Variants in WDR48 observed in about 807,000 individuals in gnomAD.
The protein encoded by WDR48 is WD repeat domain 48.
Under a neutral mutation model 94.0 loss-of-function variants are expected in WDR48, and 22 were observed. That is an observed-to-expected ratio of 0.23 (90% CI 0.17 to 0.33). WDR48 has a LOEUF of 0.33. WDR48 is among the 10% of genes least tolerant of loss of function. WDR48 has a pLI of 1.00. For missense variants in WDR48, 541 were observed against 813.8 expected (o/e 0.66, Z 4.08); for synonymous variants, 278 against 280.5 (o/e 0.99, Z 0.09).
At position 39,074,571 on chromosome 3, in the gene WDR48, C is replaced by T. The variant is rs78011480; in HGVS notation, c.673-155C>T. The stretch of plus-strand genomic sequence containing the variant: ...ATTACATAAATTTGGTCACTTTAGC[C>T]TGTGGTGCATGGTTGTCAAGCCTTT... On this transcript the variant is annotated intron_variant, in intron 7 of 18. Transcript: ENST00000302313. Among the ~76,000 whole-genome samples, 752 of 152,278 alleles carry T rather than the reference C, an allele frequency of 4.9e-3. 6 individuals carry two copies. The highest frequency in any genetic ancestry group is 0.016 in the African/African-American group (667 of 41,552).
At chr3:39,067,503 C>T (rs2033678252) in intron 5 of WDR48, among the ~76,000 whole-genome samples, 1 of 152,170 alleles carries the variant, frequency 6.6e-6, no homozygotes, top group Non-Finnish European at 1.5e-5. Context: ...ACTACCAAGT[C>T]AGGCTCATAC....
At chr3:39,062,639 A>G (rs1461735088) in intron 1 of WDR48, among the ~76,000 whole-genome samples, 1 of 152,218 alleles carries the variant, frequency 6.6e-6, no homozygotes, top group East Asian at 1.9e-4. Flanking sequence ...TGGAGCAGAG[A>G]TGAGTGGCCA....
rs2032430573 is a variant in WDR48, at chr3:39,052,091, C to T, written c.48+18C>T. 5.0e-6 allele frequency: 8 copies of T among 1,613,084 alleles called. No individual in the cohort carries two copies. Among genetic ancestry groups the T allele is most frequent in the Admixed American group, 1.7e-5 (1 of 59,986 alleles). On this transcript the variant is annotated intron_variant, in intron 1 of 18. Transcript: ENST00000302313. ...AAGTGCAGGTATGGAAGCCCGGTTC[C>T]TCGGTCTTCCGGACGCGGCCGGCAG...
intron 17 of WDR48, among the ~76,000 whole-genome samples, chr3:39,093,525 T>G (rs553168787): frequency 6.6e-4 from 100 of 152,278 alleles, no homozygotes; most frequent in African/African-American, 2.2e-3. Context: ...AGAGACGGGA[T>G]TTCACCATGT....
chr3:39,080,147 T>C (rs2034446085), intron 11 of WDR48, among the ~76,000 whole-genome samples: 1 of 152,140 alleles, frequency 6.6e-6, no homozygotes, highest in African/African-American at 2.4e-5. Flanking sequence ...ATTCCATGCA[T>C]TGTAGGATGT....
chr3:39,078,338 C>A, intron 10 of WDR48, 99 bp downstream of exon 10: 1 of 811,810 alleles, frequency 1.2e-6, no homozygotes, highest in African/African-American at 1.8e-5. Context: ...AAATATAATC[C>A]TGATGTAAAC....
intron 9 of WDR48, 87 bp from the exon 10 acceptor site, chr3:39,078,050 T>A (rs1273049261): frequency 1.0e-6 from 1 of 1,002,324 alleles, no homozygotes; most frequent in East Asian, 2.4e-5. Context: ...TTGTTTGTTT[T>A]TTGACTTTAT....
At chr3:39,082,858 G>A (rs1019158264) in intron 11 of WDR48, among the ~76,000 whole-genome samples, 13 of 152,176 alleles carry the variant, frequency 8.5e-5, no homozygotes, top group African/African-American at 2.7e-4. Context: ...CAGCTTGTGG[G>A]TTACAGTTTG....
At chr3:39,089,448 C>T (rs2125682862) in intron 16 of WDR48, 130 bp downstream of exon 16, 1 of 688,438 alleles carries the variant, frequency 1.5e-6, no homozygotes, top group Non-Finnish European at 2.3e-6. Flanking sequence ...CATCTGCTTC[C>T]TTGCAGTTCC....
intron 8 of WDR48, among the ~76,000 whole-genome samples, chr3:39,075,679 G>A (rs1259976680): frequency 6.6e-6 from 1 of 152,002 alleles, no homozygotes; most frequent in African/African-American, 2.4e-5. Flanking sequence ...TAAAACAACA[G>A]TGAAGAAGTT....
intron 17 of WDR48, among the ~76,000 whole-genome samples, chr3:39,092,876 T>TAC (rs3033301): frequency 0.042 from 6,200 of 146,010 alleles, 202 homozygotes; most frequent in African/African-American, 0.09. Flanking sequence ...CATCTCTGTC[T>TAC]ACACACACAC....
chr3:39,074,482 T>C (rs2034108680), intron 7 of WDR48, among the ~76,000 whole-genome samples: 1 of 152,228 alleles, frequency 6.6e-6, no homozygotes, highest in South Asian at 2.1e-4. Flanking sequence ...ACTTGCAGAT[T>C]AGTGAATTGA....
At chr3:39,058,502 G>A (rs924703195) in intron 1 of WDR48, among the ~76,000 whole-genome samples, 9 of 152,132 alleles carry the variant, frequency 5.9e-5, no homozygotes, top group African/African-American at 1.7e-4. Context: ...TCTCCCAGAA[G>A]TCTGGATATC....
Position 39,094,841 on chromosome 3 carries a change from T to A in WDR48, c.*98T>A. The A allele has an allele frequency of 6.9e-7, 1 of 1,441,110 alleles. No individual in the cohort carries two copies. The highest frequency in any genetic ancestry group is 9.5e-7 in the Non-Finnish European group (1 of 1,057,490). The allele number at this position is 1,441,110 out of a possible 1,614,324, so 89.3% of individuals were successfully genotyped here. A position where few individuals can be genotyped will look rare whatever the true frequency, so the allele number is the denominator to read the frequency against. On this transcript the variant is annotated 3_prime_UTR_variant, in exon 19 of 19. Transcript: ENST00000302313. ...CACTGATCCCCAACGGGAGCAAGAC[T>A]TCTAACGGCTGATTGGTATGGACCG... is the stretch of plus-strand genomic sequence containing the variant.
At chr3:39,094,407 C>A in intron 18 of WDR48, 1 of 1,508,684 alleles carries the variant, frequency 6.6e-7, no homozygotes, top group Non-Finnish European at 8.8e-7. Flanking sequence ...GCACTCAAAA[C>A]GTATCCTCAG....
At chr3:39,070,301 A>G (rs902001920) in intron 7 of WDR48, among the ~76,000 whole-genome samples, 1 of 152,242 alleles carries the variant, frequency 6.6e-6, no homozygotes, top group Non-Finnish European at 1.5e-5. Context: ...ATCAATGTAG[A>G]TAATAAAAAA....
rs758502897 is a variant in WDR48, at chr3:39,094,074, G to A, written c.1938+8G>A. 1.9e-6 allele frequency: 3 copies of A among 1,606,648 alleles called. No homozygotes were observed. In the Middle Eastern group the frequency reaches 5.0e-4, roughly 268 times the overall value. On this transcript the variant is annotated splice_region_variant and intron_variant, in intron 18 of 18. Transcript: ENST00000302313. ...CTTTTGTGCCAGGACCAGGTAAGTG[G>A]ACTTGAGGACTACAGCCCCAATTTT...
intron 1 of WDR48, among the ~76,000 whole-genome samples, chr3:39,062,331 A>T (rs1289046026): frequency 6.6e-6 from 1 of 152,148 alleles, no homozygotes; most frequent in Non-Finnish European, 1.5e-5. Context: ...CAGCCAGCTT[A>T]TTGACTTTTT....
At chr3:39,088,357 A>G in intron 15 of WDR48, 124 bp downstream of exon 15, 1 of 908,638 alleles carries the variant, frequency 1.1e-6, no homozygotes, top group Non-Finnish European at 1.7e-6. Flanking sequence ...GATGCCAGGG[A>G]TTGGAAGCAT....
Sources: gnomAD v4.1 joint callset for allele counts (sites outside exome capture counted in the v4.1 genomes callset) on GRCh38, gnomAD v4.1.1 for gene constraint, MANE v1.5 for transcripts, NCBI Gene and HGNC (gene_info 2026-07-23, HGNC 2026-07-21) for gene names.